ZFYVE9: variants seen among roughly 807,000 people sequenced by gnomAD.
ZFYVE9 encodes zinc finger FYVE domain-containing protein 9.
Under a neutral mutation model 126.7 loss-of-function variants are expected in ZFYVE9, and 43 were observed. The ratio of observed to expected loss-of-function variants is 0.34; its 90% CI spans 0.27 to 0.44. ZFYVE9 has a LOEUF of 0.44. Ranked by LOEUF, ZFYVE9 falls within the 20% of genes least tolerant of loss-of-function variation. ZFYVE9 has a pLI of 1.00. For missense variants in ZFYVE9, 1,476 were observed against 1,697.0 expected, an observed-to-expected ratio of 0.87 and a Z score of 2.29; for synonymous variants, 521 against 597.4, an observed-to-expected ratio of 0.87 and a Z score of 1.87.
chr1:52,205,407 CTG>C (rs1023521876), intron 1 of ZFYVE9, among the ~76,000 whole-genome samples: 2 of 151,940 alleles, frequency 1.3e-5, no homozygotes, highest in East Asian at 1.9e-4. Flanking sequence ...GGGTTTCACT[CTG>C]TTGCCGAGTC....
At chr1:52,320,232 A>G (rs556573740) in intron 13 of ZFYVE9, among the ~76,000 whole-genome samples, 11 of 151,742 alleles carry the variant, frequency 7.2e-5, no homozygotes, top group African/African-American at 2.4e-4. Context: ...CACCACGCCC[A>G]GCTAATTTTG....
chr1:52,285,332 C>T (rs996330382), intron 10 of ZFYVE9, among the ~76,000 whole-genome samples: 2 of 151,996 alleles, frequency 1.3e-5, no homozygotes, highest in African/African-American at 2.4e-5. Context: ...TGTTCTAAAA[C>T]GGGGTCCCCA....
intron 10 of ZFYVE9, among the ~76,000 whole-genome samples, chr1:52,288,223 A>G (rs1645881390): frequency 6.6e-6 from 1 of 152,190 alleles, no homozygotes; most frequent in African/African-American, 2.4e-5. Context: ...AAGTGGCTGA[A>G]CCCAGGTTTA....
intron 13 of ZFYVE9, among the ~76,000 whole-genome samples, chr1:52,326,896 G>T (rs1365553568): frequency 6.6e-6 from 1 of 151,708 alleles, no homozygotes; most frequent in Non-Finnish European, 1.5e-5. Context: ...GGGCACAGTG[G>T]CTCATGCCTG....
intron 3 of ZFYVE9, among the ~76,000 whole-genome samples, chr1:52,234,439 T>G (rs530677319): frequency 1.1e-4 from 16 of 152,324 alleles, no homozygotes; most frequent in Admixed American, 2.6e-4. Flanking sequence ...CCAGCCCAGA[T>G]GACAGAGTGA....
chr1:52,259,094 G>A (rs893810282), intron 4 of ZFYVE9, among the ~76,000 whole-genome samples: 1 of 152,054 alleles, frequency 6.6e-6, no homozygotes, highest in East Asian at 1.9e-4. Flanking sequence ...GTGATAGCAG[G>A]GTTGGTTCCT....
chr1:52,230,040 T>C (rs896606335), intron 2 of ZFYVE9, among the ~76,000 whole-genome samples: 2 of 152,092 alleles, frequency 1.3e-5, no homozygotes, highest in African/African-American at 4.8e-5. Context: ...GCTAATTTTT[T>C]TGTATTTTTA....
chr1:52,220,431 C>T (rs958707730), intron 2 of ZFYVE9, among the ~76,000 whole-genome samples: 1 of 152,122 alleles, frequency 6.6e-6, no homozygotes, highest in African/African-American at 2.4e-5. Context: ...GTGAGATGGT[C>T]TACTATGACT....
chr1:52,259,618 T>C (rs1193604597), intron 4 of ZFYVE9, among the ~76,000 whole-genome samples: 2 of 141,602 alleles, frequency 1.4e-5, no homozygotes, highest in Non-Finnish European at 3.0e-5. Flanking sequence ...CGAAACCCTG[T>C]CTCTACTAAA....
chr1:52,192,525 T>C (rs1644825246), intron 1 of ZFYVE9, among the ~76,000 whole-genome samples: 1 of 152,202 alleles, frequency 6.6e-6, no homozygotes, highest in Non-Finnish European at 1.5e-5. Flanking sequence ...CCTTTTAAAG[T>C]AGAGAGCAGG....
At chr1:52,333,253 T>G (rs1297315521) in intron 14 of ZFYVE9, among the ~76,000 whole-genome samples, 1 of 151,510 alleles carries the variant, frequency 6.6e-6, no homozygotes, top group Non-Finnish European at 1.5e-5. Flanking sequence ...ACCTGCATGT[T>G]GTGCACATGT....
intron 1 of ZFYVE9, among the ~76,000 whole-genome samples, chr1:52,181,540 G>A (rs943615572): frequency 4.5e-4 from 68 of 152,260 alleles, no homozygotes; most frequent in African/African-American, 1.3e-3. Context: ...CTGCCTGGCC[G>A]CCCATCGTCT....
At chr1:52,169,754 T>C (rs1363504661) in intron 1 of ZFYVE9, among the ~76,000 whole-genome samples, 1 of 152,218 alleles carries the variant, frequency 6.6e-6, no homozygotes, top group Non-Finnish European at 1.5e-5. Context: ...TATATAAATG[T>C]GAATTATGTG....
chr1:52,297,182 C>A (rs1260739845), intron 12 of ZFYVE9, among the ~76,000 whole-genome samples: 1 of 152,128 alleles, frequency 6.6e-6, no homozygotes, highest in Non-Finnish European at 1.5e-5. Flanking sequence ...GGGGGCAGCC[C>A]CAGGCAAGAA....
chr1:52,193,736 A>G (rs1452528312), intron 1 of ZFYVE9, among the ~76,000 whole-genome samples: 1 of 148,998 alleles, frequency 6.7e-6, no homozygotes, highest in South Asian at 2.1e-4. Flanking sequence ...AAAAAAAGAT[A>G]CACACTAATG....
chr1:52,275,903 ATT>A (rs34282653), intron 8 of ZFYVE9, among the ~76,000 whole-genome samples: 43 of 115,644 alleles, frequency 3.7e-4, no homozygotes, highest in African/African-American at 1.5e-3. Flanking sequence ...TTAGCAAGCA[ATT>A]TTTTTTTTTT....
intron 8 of ZFYVE9, among the ~76,000 whole-genome samples, chr1:52,276,509 A>T (rs910940157): frequency 6.6e-6 from 1 of 152,210 alleles, no homozygotes; most frequent in African/African-American, 2.4e-5. Context: ...TAAAACAATT[A>T]TATAACTACA....
At chr1:52,286,178 G>A (rs576024463) in intron 10 of ZFYVE9, among the ~76,000 whole-genome samples, 22 of 151,214 alleles carry the variant, frequency 1.5e-4, no homozygotes, top group African/African-American at 5.1e-4. Context: ...AAAACGTATC[G>A]CAATTTATTA....
At chr1:52,267,767 G>A (rs1221552884) in intron 6 of ZFYVE9, among the ~76,000 whole-genome samples, 1 of 152,024 alleles carries the variant, frequency 6.6e-6, no homozygotes, top group African/African-American at 2.4e-5. Flanking sequence ...GTCTCTGTGT[G>A]TTTTGGCTGT....
Sources: gnomAD v4.1 joint callset for allele counts (sites outside exome capture counted in the v4.1 genomes callset) on GRCh38, gnomAD v4.1.1 for gene constraint, MANE v1.5 for transcripts, NCBI Gene and HGNC (gene_info 2026-07-23, HGNC 2026-07-21) for gene names.